Variants in SBF2 observed in about 807,000 individuals in gnomAD.
The protein encoded by SBF2 is SET binding factor 2, also known as myotubularin-related protein 13.
Under a neutral mutation model 225.2 loss-of-function variants are expected in SBF2, and 112 were observed. That is an observed-to-expected ratio of 0.50 (90% CI 0.43 to 0.58). The LOEUF (loss-of-function observed/expected upper bound fraction) is 0.58. SBF2 is among the 20% of genes least tolerant of loss of function. The pLI is 0.00. For synonymous variants in SBF2, 763 were observed against 773.3 expected, an observed-to-expected ratio of 0.99 and a Z score of 0.22; for missense variants, 1,996 against 2,206.2, an observed-to-expected ratio of 0.90 and a Z score of 1.91.
Position 10,028,253 on chromosome 11 carries a change from G to A in SBF2, c.619+199C>T, listed in dbSNP as rs72858828. 0.1 allele frequency among the ~76,000 whole-genome samples: 15,481 copies of A among 151,940 alleles called. 998 individuals are homozygous for A. The highest frequency in any genetic ancestry group is 0.24 in the Middle Eastern group (70 of 294). On this transcript the variant is annotated intron_variant, in intron 6 of 39. Transcript: ENST00000256190. ...AAGTCTAACTGACCTAAGGAAAAAA[G>A]GGGCCTGAGTTAAAATTTTTAAAAA...
intron 2 of SBF2, among the ~76,000 whole-genome samples, chr11:10,094,690 G>C (rs903299893): frequency 3.9e-5 from 6 of 151,910 alleles, no homozygotes. Context: ...TTTTAGTAGA[G>C]ACGGGGTTTC....
At chr11:10,246,482 C>T (rs1442516755) in intron 1 of SBF2, among the ~76,000 whole-genome samples, 1 of 152,118 alleles carries the variant, frequency 6.6e-6, no homozygotes, top group East Asian at 1.9e-4. Flanking sequence ...CGGGGTTTCA[C>T]CATGTTGGCC....
At chr11:10,221,178 C>T (rs866700704) in intron 1 of SBF2, among the ~76,000 whole-genome samples, 20 of 151,206 alleles carry the variant, frequency 1.3e-4, no homozygotes, top group South Asian at 6.3e-4. Flanking sequence ...AGTACAATGC[C>T]GCAATATCAG....
chr11:9,959,304 G>C lies in SBF2; in HGVS notation c.1860+2653C>G. The C allele has an allele frequency of 5.2e-6, 4 of 775,358 alleles. No homozygotes were observed. In the South Asian group the frequency reaches 5.4e-5, roughly 10 times the overall value. 48.0% of individuals were successfully genotyped at this position (775,358 alleles called of 1,614,324 possible). On this transcript the variant is annotated intron_variant, in intron 16 of 39. Coordinates refer to ENST00000256190, the MANE Select transcript of SBF2 (RefSeq NM_030962.4). Reference sequence around the variant, plus strand: ...CCACAATGTCCCTGCCATAGGTTTTGTCTGCTCACATACTACAGTTAAGAT... The same window carrying C: ...CCACAATGTCCCTGCCATAGGTTTTCTCTGCTCACATACTACAGTTAAGAT...
intron 16 of SBF2, among the ~76,000 whole-genome samples, chr11:9,931,878 C>A (rs1332752818): frequency 2.0e-5 from 3 of 151,818 alleles, no homozygotes; most frequent in Non-Finnish European, 4.4e-5. Context: ...AAGCTAAAAA[C>A]TTGAAAAAAG....
At chr11:10,217,576 G>A (rs1027791935) in intron 1 of SBF2, among the ~76,000 whole-genome samples, 10 of 152,066 alleles carry the variant, frequency 6.6e-5, no homozygotes, top group African/African-American at 2.4e-4. Context: ...TAGTTCTAAA[G>A]TATCATTGCT....
chr11:10,235,030 G>A (rs1959007760), intron 1 of SBF2, among the ~76,000 whole-genome samples: 2 of 152,164 alleles, frequency 1.3e-5, no homozygotes, highest in South Asian at 4.1e-4. Flanking sequence ...GCCAAGGAAG[G>A]AGAAACAGGT....
chr11:9,933,457 G>A (rs535117494), intron 16 of SBF2, among the ~76,000 whole-genome samples: 2 of 152,250 alleles, frequency 1.3e-5, no homozygotes, highest in East Asian at 1.9e-4. Context: ...ACAACAAACT[G>A]TGTCTCAGAC....
At position 9,994,023 on chromosome 11, in the gene SBF2, T is replaced by A. The variant is rs555196381; in HGVS notation, c.976-25A>T. The A allele has an allele frequency of 9.5e-6, 11 of 1,163,776 alleles. No homozygotes were observed. The South Asian group carries it at 1.4e-4, about 14-fold the overall frequency. 72.1% of individuals were successfully genotyped at this position (1,163,776 alleles called of 1,614,324 possible). On this transcript the variant is annotated intron_variant, in intron 9 of 39. Coordinates refer to ENST00000256190, the MANE Select transcript of SBF2 (RefSeq NM_030962.4). ...TCTAAAGCAAAAAAGTTTTGTTATG[T>A]AAAATATCATAATATCAATGAAATC... is the stretch of plus-strand genomic sequence containing the variant.
intron 16 of SBF2, among the ~76,000 whole-genome samples, chr11:9,899,351 A>C (rs1861533207): frequency 6.6e-6 from 1 of 150,554 alleles, no homozygotes; most frequent in East Asian, 1.9e-4. Context: ...AAAAAAAAAA[A>C]AAACTGGCCA....
chr11:9,887,143 G>T (rs960583314), intron 17 of SBF2, among the ~76,000 whole-genome samples: 4 of 151,532 alleles, frequency 2.6e-5, no homozygotes, highest in African/African-American at 9.7e-5. Context: ...AAAAAAAATT[G>T]TCCATCACAT....
intron 12 of SBF2, among the ~76,000 whole-genome samples, chr11:9,990,612 A>G (rs1051002905): frequency 4.6e-5 from 7 of 152,330 alleles, no homozygotes; most frequent in Non-Finnish European, 1.0e-4. Flanking sequence ...GTCAAGTAAC[A>G]TAAGTAAGAC....
At chr11:9,905,491 T>A (rs1862051471) in intron 16 of SBF2, among the ~76,000 whole-genome samples, 1 of 152,226 alleles carries the variant, frequency 6.6e-6, no homozygotes, top group South Asian at 2.1e-4. Context: ...ATCTACTATG[T>A]GCCAGGCATG....
chr11:9,782,236 T>G (rs928081762), intron 38 of SBF2, among the ~76,000 whole-genome samples: 1 of 145,672 alleles, frequency 6.9e-6, no homozygotes, highest in Non-Finnish European at 1.5e-5. Context: ...ATGTAACATA[T>G]AAAAAGAGGG....
At chr11:9,807,096 G>A (rs1186717443) in intron 32 of SBF2, among the ~76,000 whole-genome samples, 1 of 152,122 alleles carries the variant, frequency 6.6e-6, no homozygotes, top group Non-Finnish European at 1.5e-5. Context: ...TTTCAAAGAG[G>A]CTCACCATTC....
In SBF2 at chr11:9,912,817, T is replaced by G. The variant is rs150920340; in HGVS notation, c.1861-16806A>C. On this transcript the variant is annotated intron_variant, in intron 16 of 39. Coordinates refer to ENST00000256190, the MANE Select transcript of SBF2 (RefSeq NM_030962.4). Reference sequence around the variant, plus strand: ...GTATCCCCACTGTCAATTTAAAAATTTATAAAATGGCATCATGAAGAGTCA... The same window carrying G: ...GTATCCCCACTGTCAATTTAAAAATGTATAAAATGGCATCATGAAGAGTCA... Among the ~76,000 whole-genome samples, 857 of 152,320 alleles carry G rather than the reference T, an allele frequency of 5.6e-3. 1 individual carries two copies. The highest frequency in any genetic ancestry group is 9.5e-3 in the Non-Finnish European group (648 of 68,038).
chr11:9,898,990 C>T (rs7105337), intron 16 of SBF2, among the ~76,000 whole-genome samples: 78,380 of 151,306 alleles, frequency 0.52, 20,896 homozygotes, highest in African/African-American at 0.62. Flanking sequence ...AATGGTATCA[C>T]AGATGTTAAG....
intron 1 of SBF2, among the ~76,000 whole-genome samples, chr11:10,253,512 G>A (rs1293830370): frequency 6.6e-6 from 1 of 152,142 alleles, no homozygotes; most frequent in East Asian, 1.9e-4. Flanking sequence ...CCCTGATTCT[G>A]TGGAGAAACA....
intron 16 of SBF2, among the ~76,000 whole-genome samples, chr11:9,928,056 C>T (rs749408678): frequency 4.6e-5 from 7 of 151,992 alleles, no homozygotes; most frequent in Non-Finnish European, 1.0e-4. Context: ...TTAGAGAAGA[C>T]TTCTTAGATA....
Sources: gnomAD v4.1 joint callset for allele counts (sites outside exome capture counted in the v4.1 genomes callset) on GRCh38, gnomAD v4.1.1 for gene constraint, MANE v1.5 for transcripts, NCBI Gene and HGNC (gene_info 2026-07-23, HGNC 2026-07-21) for gene names.